FBXL7: variants seen among roughly 807,000 people sequenced by gnomAD.
The protein encoded by FBXL7 is F-box/LRR-repeat protein 7.
FBXL7 carries 12 observed loss-of-function variants against 38.3 expected under a neutral mutation model. The ratio of observed to expected loss-of-function variants is 0.31; its 90% CI spans 0.20 to 0.51. FBXL7 has a LOEUF of 0.51. FBXL7 is among the 20% of genes least tolerant of loss of function. The pLI is 0.98. For synonymous variants in FBXL7, 297 were observed against 300.9 expected (o/e 0.99, Z 0.13); for missense variants, 567 against 676.4 (o/e 0.84, Z 1.79).
intron 1 of FBXL7, among the ~76,000 whole-genome samples, chr5:15,512,319 T>C (rs1392376784): frequency 6.6e-6 from 1 of 152,236 alleles, no homozygotes; most frequent in African/African-American, 2.4e-5. Context: ...TAGTTTAATC[T>C]CTATTTCTTT....
chr5:15,774,654 T>C (rs1736815349), intron 2 of FBXL7, among the ~76,000 whole-genome samples: 1 of 152,226 alleles, frequency 6.6e-6, no homozygotes, highest in African/African-American at 2.4e-5. Flanking sequence ...AATGAAACCA[T>C]ATTAACCTGA....
chr5:15,646,814 G>A (rs57755609), intron 2 of FBXL7, among the ~76,000 whole-genome samples: 22 of 152,256 alleles, frequency 1.4e-4, no homozygotes, highest in African/African-American at 2.9e-4. Flanking sequence ...TGACAGTCGC[G>A]TGGGGAGTAT....
chr5:15,672,054 T>C (rs1468772445), intron 2 of FBXL7, among the ~76,000 whole-genome samples: 1 of 152,182 alleles, frequency 6.6e-6, no homozygotes, highest in Non-Finnish European at 1.5e-5. Flanking sequence ...TCTCTCAAAA[T>C]TAGATAAAAG....
At chr5:15,636,325 G>C (rs1306871787) in intron 2 of FBXL7, among the ~76,000 whole-genome samples, 1 of 151,900 alleles carries the variant, frequency 6.6e-6, no homozygotes, top group African/African-American at 2.4e-5. Flanking sequence ...CTGAATTGCT[G>C]GTCACATTTA....
At chr5:15,533,985 T>G (rs1395692019) in intron 1 of FBXL7, among the ~76,000 whole-genome samples, 1 of 152,162 alleles carries the variant, frequency 6.6e-6, no homozygotes, top group Admixed American at 6.6e-5. Context: ...AGTCTGTTTA[T>G]TACTTAAATC....
At chr5:15,600,384 G>T (rs565444193) in intron 1 of FBXL7, among the ~76,000 whole-genome samples, 1 of 152,070 alleles carries the variant, frequency 6.6e-6, no homozygotes, top group African/African-American at 2.4e-5. Flanking sequence ...GTATAACAAG[G>T]CATGCCCACC....
chr5:15,737,177 T>C (rs1735779187), intron 2 of FBXL7, among the ~76,000 whole-genome samples: 1 of 152,132 alleles, frequency 6.6e-6, no homozygotes, highest in Admixed American at 6.5e-5. Context: ...TCTCCATTTT[T>C]CCACTGGGCG....
intron 2 of FBXL7, among the ~76,000 whole-genome samples, chr5:15,919,372 G>A (rs1579601349): frequency 6.7e-6 from 1 of 150,322 alleles, no homozygotes; most frequent in South Asian, 2.1e-4. Flanking sequence ...ATACTATACT[G>A]TAATTACTAA....
At chr5:15,895,563 C>A (rs1323813969) in intron 2 of FBXL7, among the ~76,000 whole-genome samples, 1 of 150,430 alleles carries the variant, frequency 6.6e-6, no homozygotes, top group African/African-American at 2.4e-5. Flanking sequence ...ACGTGAACAT[C>A]TCCAATTATT....
At chr5:15,768,074 T>A in intron 2 of FBXL7, among the ~76,000 whole-genome samples, 1 of 152,286 alleles carries the variant, frequency 6.6e-6, no homozygotes, top group Non-Finnish European at 1.5e-5. Context: ...AAGTCCACAG[T>A]TTAGTGTCAG....
intron 1 of FBXL7, among the ~76,000 whole-genome samples, chr5:15,539,845 A>AT (rs747469129): frequency 8.2e-4 from 124 of 152,062 alleles, no homozygotes; most frequent in Non-Finnish European, 1.6e-3. Flanking sequence ...CTTATAAACA[A>AT]TTGTTTATAA....
At chr5:15,709,121 C>T (rs1353947831) in intron 2 of FBXL7, among the ~76,000 whole-genome samples, 4 of 152,162 alleles carry the variant, frequency 2.6e-5, no homozygotes, top group Non-Finnish European at 5.9e-5. Context: ...CATCTGCTTT[C>T]AGTTAAGATG....
intron 1 of FBXL7, among the ~76,000 whole-genome samples, chr5:15,548,908 C>T (rs951877103): frequency 2.6e-5 from 4 of 152,158 alleles, no homozygotes; most frequent in African/African-American, 7.2e-5. Flanking sequence ...TTGGTGGGCA[C>T]GGGGGTGACT....
intron 2 of FBXL7, among the ~76,000 whole-genome samples, chr5:15,842,952 A>G (rs1015756891): frequency 1.3e-5 from 2 of 152,204 alleles, no homozygotes; most frequent in East Asian, 3.8e-4. Flanking sequence ...TTTTATTACT[A>G]CCTATCATTG....
chr5:15,928,494 T>C lies in FBXL7; in HGVS notation c.732T>C (p.Asp244=), dbSNP rs1382834464. ...TCTGCCCTAATCTGGAGCACCTGGA[T>C]GTGTCAGGTAAATGGACACTGACCT... ...VSLCPNLEHL[D]VSGCSKVTCI... Residue 244 remains aspartate, a synonymous_variant, in exon 3 of 4, where the codon GAT becomes GAC. Coordinates refer to ENST00000504595, the MANE Select transcript of FBXL7 (RefSeq NM_012304.5). This position sits in a 1 kb window ranked among gnomAD's most constrained non-coding sequence, Gnocchi z 4.0. The C allele has an allele frequency of 6.2e-7, 1 of 1,610,018 alleles. No individual in the cohort carries two copies. Among genetic ancestry groups the C allele is most frequent in the African/African-American group, 1.3e-5 (1 of 74,992 alleles).
At chr5:15,585,834 A>C (rs536605598) in intron 1 of FBXL7, among the ~76,000 whole-genome samples, 206 of 152,350 alleles carry the variant, frequency 1.4e-3, no homozygotes, top group African/African-American at 4.8e-3. Flanking sequence ...ATTAAACGCA[A>C]ATCAAATTCT....
At chr5:15,604,288 A>T (rs1371280382) in intron 1 of FBXL7, among the ~76,000 whole-genome samples, 1 of 152,208 alleles carries the variant, frequency 6.6e-6, no homozygotes, top group Non-Finnish European at 1.5e-5. Flanking sequence ...TTTGTCTAAG[A>T]AAACCCTTCT....
intron 1 of FBXL7, among the ~76,000 whole-genome samples, chr5:15,552,675 A>C (rs1738113283): frequency 6.6e-6 from 1 of 152,138 alleles, no homozygotes; most frequent in Non-Finnish European, 1.5e-5. Flanking sequence ...CTTGCCTCCC[A>C]CAGTTCATTT....
At chr5:15,574,672 A>G (rs1738899069) in intron 1 of FBXL7, among the ~76,000 whole-genome samples, 2 of 152,100 alleles carry the variant, frequency 1.3e-5, no homozygotes, top group South Asian at 4.1e-4. Context: ...TGTAATGGAG[A>G]GAGTGAGAGA....
Sources: gnomAD v4.1 joint callset for allele counts (sites outside exome capture counted in the v4.1 genomes callset) on GRCh38, gnomAD v4.1.1 for gene constraint, Gnocchi (gnomAD v3.1) non-coding constraint, MANE v1.5 for transcripts, NCBI Gene and HGNC (gene_info 2026-07-23, HGNC 2026-07-21) for gene names.